DIAPH2: variants seen among roughly 807,000 people sequenced by gnomAD.
DIAPH2 encodes the protein diaphanous related formin 2, also known as protein diaphanous homolog 2.
Under a neutral mutation model 92.7 loss-of-function variants are expected in DIAPH2, and 35 were observed. The ratio of observed to expected loss-of-function variants is 0.38; its 90% confidence interval spans 0.29 to 0.50. DIAPH2 has a LOEUF of 0.50. Among genes scored for constraint, DIAPH2 ranks in the 20% least tolerant of loss-of-function variants. DIAPH2 has a pLI of 0.94. For missense variants in DIAPH2, 701 were observed against 819.5 expected (o/e 0.86, Z 1.77); for synonymous variants, 301 against 280.4 (o/e 1.07, Z -0.73).
chrX:96,984,565 G>A (rs1238262239), intron 17 of DIAPH2, among the ~76,000 whole-genome samples: 1 of 111,437 alleles, frequency 9.0e-6, no homozygotes, highest in Non-Finnish European at 1.9e-5. Flanking sequence ...TCCATTATTT[G>A]TCTCTTGCAG....
At chrX:97,031,674 G>A (rs899821652) in intron 17 of DIAPH2, among the ~76,000 whole-genome samples, 11 of 111,200 alleles carry the variant, frequency 9.9e-5, no homozygotes, top group Non-Finnish European at 2.1e-4. Context: ...GTGTCCTCGG[G>A]GAATGCAAGG....
At chrX:96,779,226 TCA>T (rs1335042298) in intron 4 of DIAPH2, among the ~76,000 whole-genome samples, 13 of 112,324 alleles carry the variant, frequency 1.2e-4, no homozygotes, top group African/African-American at 4.2e-4. Flanking sequence ...CAGCATGGAC[TCA>T]CAGATTCTTT....
chrX:96,772,197 T>C (rs1331894431), intron 4 of DIAPH2, among the ~76,000 whole-genome samples: 1 of 112,469 alleles, frequency 8.9e-6, no homozygotes, highest in African/African-American at 3.2e-5. Flanking sequence ...TTTGAATAAG[T>C]AGAATAAGAT....
intron 17 of DIAPH2, among the ~76,000 whole-genome samples, chrX:97,068,667 T>C (rs2066649022): frequency 8.9e-6 from 1 of 112,102 alleles, no homozygotes; most frequent in African/African-American, 3.2e-5. Context: ...ATTAAAATAT[T>C]GTATATTTCA....
At chrX:97,188,347 A>G (rs73250794) in intron 22 of DIAPH2, among the ~76,000 whole-genome samples, 10,073 of 110,954 alleles carry the variant, frequency 0.091, 484 homozygotes, top group Non-Finnish European at 0.14. Flanking sequence ...AGTTATGGAG[A>G]TATTTCATAG....
chrX:97,019,421 A>C (rs2066282349), intron 17 of DIAPH2, among the ~76,000 whole-genome samples: 1 of 110,645 alleles, frequency 9.0e-6, no homozygotes, highest in Admixed American at 9.7e-5. Flanking sequence ...TTTTTATTTA[A>C]TTAGTTATTT....
At chrX:96,903,134 A>G (rs970496748) in intron 5 of DIAPH2, among the ~76,000 whole-genome samples, 5 of 930 alleles carry the variant, frequency 5.4e-3, no homozygotes, top group Admixed American at 0.018. Context: ...TGTTACTGTG[A>G]AAAAAAAAAA....
At chrX:96,881,788 T>C in intron 5 of DIAPH2, 70 bp downstream of exon 5, 1 of 1,054,213 alleles carries the variant, frequency 9.5e-7, no homozygotes. Context: ...GGGAATATAA[T>C]AAGTTTTGTT....
At chrX:97,190,141 C>G (rs2067640850) in intron 22 of DIAPH2, among the ~76,000 whole-genome samples, 1 of 112,981 alleles carries the variant, frequency 8.9e-6, no homozygotes, top group South Asian at 3.6e-4. Context: ...ATGATCTGCT[C>G]TGTTTTTCAA....
In DIAPH2 at chrX:97,329,933, CA is replaced by C. The variant is rs1569364112; in HGVS notation, c.2845-18182del. On this transcript the variant is annotated intron_variant, in intron 23 of 26. Coordinates refer to ENST00000324765, the MANE Select transcript of DIAPH2 (RefSeq NM_006729.5). ...ACACACACACACACACACACACACACACACCCCACATGCTTTCTCTGGGCTC... is the reference window on the plus strand; with the variant it reads ...ACACACACACACACACACACACACACCACCCCACATGCTTTCTCTGGGCTC... 1.1e-3 allele frequency among the ~76,000 whole-genome samples: 96 copies of C among 88,341 alleles called. 1 individual carries two copies. The highest frequency in any genetic ancestry group is 3.5e-3 in the African/African-American group (92 of 26,218). 76.7% of individuals were successfully genotyped at this position (88,341 alleles called of 115,157 possible). A position where few individuals can be genotyped will look rare whatever the true frequency, so the allele number is the denominator to read the frequency against.
At chrX:97,591,651 G>A (rs901148442) in intron 26 of DIAPH2, among the ~76,000 whole-genome samples, 4 of 112,137 alleles carry the variant, frequency 3.6e-5, no homozygotes, top group African/African-American at 1.3e-4. Flanking sequence ...TGTGGTTTCT[G>A]TTAGCTTGCT....
At chrX:96,765,333 G>A (rs1186722090) in intron 4 of DIAPH2, among the ~76,000 whole-genome samples, 1 of 108,417 alleles carries the variant, frequency 9.2e-6, no homozygotes, top group Non-Finnish European at 1.9e-5. Flanking sequence ...GAATAGCTGG[G>A]ACTACAGGTG....
chrX:97,040,852 T>C (rs773772006), intron 17 of DIAPH2, among the ~76,000 whole-genome samples: 14 of 111,078 alleles, frequency 1.3e-4, no homozygotes, highest in Non-Finnish European at 2.5e-4. Flanking sequence ...GAAAAAATTA[T>C]GCAGAAATCT....
At chrX:97,512,526 T>C (rs1269382060) in intron 26 of DIAPH2, among the ~76,000 whole-genome samples, 1 of 109,766 alleles carries the variant, frequency 9.1e-6, no homozygotes, top group East Asian at 2.8e-4. Context: ...TGCTCTGATT[T>C]TAGTTATTTC....
chrX:97,258,462 A>G lies in DIAPH2; in HGVS notation c.2844+10623A>G, dbSNP rs754461567. ...GTGGCACGCGCCTGTAGTCCCAGCT[A>G]CTCGGGAGGCTGAGGCAGGAGAACC... On this transcript the variant is annotated intron_variant, in intron 23 of 26. Coordinates refer to ENST00000324765, the MANE Select transcript of DIAPH2 (RefSeq NM_006729.5). 6.3e-5 allele frequency among the ~76,000 whole-genome samples: 7 copies of G among 110,741 alleles called. No homozygotes were observed. The South Asian group carries it at 2.7e-3, about 43-fold the overall frequency.
intron 17 of DIAPH2, among the ~76,000 whole-genome samples, chrX:97,002,152 C>G (rs928063808): frequency 9.0e-6 from 1 of 110,894 alleles, no homozygotes; most frequent in South Asian, 3.8e-4. Flanking sequence ...TCTATAGTCT[C>G]TTAAATACTC....
chrX:97,296,150 C>T (rs1265410955), intron 23 of DIAPH2, among the ~76,000 whole-genome samples: 1 of 111,526 alleles, frequency 9.0e-6, no homozygotes, highest in African/African-American at 3.3e-5. Context: ...CCAGTTCCCC[C>T]GTCTCTACCT....
chrX:97,025,887 A>G (rs1487057579), intron 17 of DIAPH2, among the ~76,000 whole-genome samples: 1 of 111,810 alleles, frequency 8.9e-6, no homozygotes, highest in Non-Finnish European at 1.9e-5. Context: ...AAAATGGGAA[A>G]GAACCTATTC....
chrX:96,696,813 G>T (rs2063827847), intron 1 of DIAPH2, among the ~76,000 whole-genome samples: 1 of 112,266 alleles, frequency 8.9e-6, no homozygotes, highest in South Asian at 3.6e-4. Flanking sequence ...GTTAAGAACT[G>T]TGCAAGGTCT....
Sources: gnomAD v4.1 joint callset for allele counts (sites outside exome capture counted in the v4.1 genomes callset) on GRCh38, gnomAD v4.1.1 for gene constraint, MANE v1.5 for transcripts, NCBI Gene and HGNC (gene_info 2026-07-23, HGNC 2026-07-21) for gene names.